PRKDC: variants seen among roughly 807,000 people sequenced by gnomAD.
The protein encoded by PRKDC is protein kinase, DNA-activated, catalytic subunit, also known as DNA-dependent protein kinase catalytic subunit.
PRKDC carries 82 observed loss-of-function variants against 486.9 expected under a neutral mutation model. That is an observed-to-expected ratio of 0.17 (90% CI 0.14 to 0.20). PRKDC has a LOEUF of 0.20. Among genes scored for constraint, PRKDC ranks in the 10% least tolerant of loss-of-function variants. PRKDC has a pLI of 1.00. For missense variants in PRKDC, 4,504 were observed against 5,038.2 expected (o/e 0.89, Z 3.21); for synonymous variants, 1,895 against 1,837.0 (o/e 1.03, Z -0.81).
At chr8:47,893,036 C>T in intron 31 of PRKDC, 103 bp downstream of exon 31, 1 of 1,364,062 alleles carries the variant, frequency 7.3e-7, no homozygotes, top group South Asian at 1.9e-5. Context: ...AGGTGGTGCA[C>T]AGCACCTACC....
intron 80 of PRKDC, among the ~76,000 whole-genome samples, chr8:47,779,831 G>A (rs1051889826): frequency 7.9e-5 from 12 of 151,470 alleles, no homozygotes; most frequent in East Asian, 1.9e-4. Context: ...CTCGTGATCC[G>A]CCCGCCTCGG....
intron 36 of PRKDC, 68 bp downstream of exon 36, chr8:47,885,876 T>C (rs2089316248): frequency 2.7e-6 from 4 of 1,491,632 alleles, no homozygotes; most frequent in Non-Finnish European, 3.7e-6. Context: ...TGGGCGAAAG[T>C]GCAAGACTCT....
intron 26 of PRKDC, among the ~76,000 whole-genome samples, chr8:47,903,607 C>T (rs1406639226): frequency 6.6e-6 from 1 of 152,148 alleles, no homozygotes; most frequent in Non-Finnish European, 1.5e-5. Flanking sequence ...GCAGCTCTCA[C>T]CAGGAAACCC....
chr8:47,784,889 G>C (rs1373758671), intron 77 of PRKDC, among the ~76,000 whole-genome samples: 3 of 152,014 alleles, frequency 2.0e-5, no homozygotes, highest in Admixed American at 1.3e-4. Context: ...ACTTTTGTCA[G>C]AATCAGAAAT....
At chr8:47,957,849 A>ATAAAACACTAACCCAAGGTTGCTGTAT (rs2090733791) in intron 1 of PRKDC, among the ~76,000 whole-genome samples, 3 of 152,222 alleles carry the variant, frequency 2.0e-5, no homozygotes, top group Non-Finnish European at 2.9e-5. Context: ...CCTTATAAAT[A>ATAAAACACTAACCCAAGGTTGCTGTAT]TAAAACACTA....
chr8:47,939,789 T>G, intron 10 of PRKDC, 92 bp from the exon 11 acceptor site: 2 of 1,098,460 alleles, frequency 1.8e-6, no homozygotes, highest in Non-Finnish European at 2.5e-6. Flanking sequence ...TAGATGCTAC[T>G]AATGTACTGT....
rs1193425539 is a variant in PRKDC, at chr8:47,834,685, AC to A, written c.7952-290del. ...TACTGAAAGGTGCTAAGAACCCCTG[AC>A]TTTTTTTTTTTTTTTTTTTTTTGAG... On this transcript the variant is annotated intron_variant, in intron 58 of 85. Coordinates refer to ENST00000314191, the MANE Select transcript of PRKDC (RefSeq NM_006904.7). 3.9e-3 allele frequency among the ~76,000 whole-genome samples: 525 copies of A among 133,744 alleles called. 2 individuals carry two copies. The highest frequency in any genetic ancestry group is 5.9e-3 in the Non-Finnish European group (383 of 64,652). 87.7% of individuals were successfully genotyped at this position (133,744 alleles called of 152,430 possible). A position where few individuals can be genotyped will look rare whatever the true frequency, so the allele number is the denominator to read the frequency against.
chr8:47,843,363 T>A (rs1427768196), intron 54 of PRKDC, among the ~76,000 whole-genome samples: 2 of 152,084 alleles, frequency 1.3e-5, no homozygotes, highest in Non-Finnish European at 2.9e-5. Context: ...AAAGAATTTT[T>A]AAATAAAATC....
At chr8:47,851,523 G>A (rs763322177) in intron 52 of PRKDC, among the ~76,000 whole-genome samples, 1 of 152,162 alleles carries the variant, frequency 6.6e-6, no homozygotes, top group Non-Finnish European at 1.5e-5. Context: ...TGGGCCCACT[G>A]GTGCCTGCTC....
At chr8:47,918,054 C>T (rs1389356026) in intron 22 of PRKDC, among the ~76,000 whole-genome samples, 1 of 152,088 alleles carries the variant, frequency 6.6e-6, no homozygotes, top group African/African-American at 2.4e-5. Context: ...CCTATGTTGC[C>T]CAGGCTGAGC....
At chr8:47,778,823 C>G (rs1269255736) in intron 81 of PRKDC, 24 bp from the exon 82 acceptor site, 1 of 1,591,946 alleles carries the variant, frequency 6.3e-7, no homozygotes, top group East Asian at 2.3e-5. Context: ...ATAGAAACAT[C>G]TAATTAGAAA....
At chr8:47,875,359 C>G (rs2089069727) in intron 40 of PRKDC, among the ~76,000 whole-genome samples, 1 of 152,126 alleles carries the variant, frequency 6.6e-6, no homozygotes, top group African/African-American at 2.4e-5. Context: ...TTTGGCTAGC[C>G]TAGCTAATGG....
In PRKDC at chr8:47,840,093, C is replaced by T. The variant is rs866961642; in HGVS notation, c.7377G>A (p.Val2459=). 1.5e-5 allele frequency: 24 copies of T among 1,579,322 alleles called. No homozygotes were observed. The highest frequency in any genetic ancestry group is 2.0e-5 in the Non-Finnish European group (23 of 1,160,528). ...VELRELLNPV[V]EFVSHPSTTC... is the part of the protein sequence containing the mutation. ...TTGTAGAAGGATGGGAAACGAATTC[C>T]ACAACGGGGTTCAGAAGTTCTCGGA... is the stretch of plus-strand genomic sequence containing the variant. The change falls in exon 55 of 86, where the codon GTG becomes GTA. Residue 2459 remains valine, a synonymous_variant. Transcript: ENST00000314191.
Position 47,788,975 on chromosome 8 carries a change from T to C in PRKDC, c.10833A>G (p.Glu3611=). 6.2e-7 allele frequency: 1 copy of C among 1,613,594 alleles called. No homozygotes were observed. The highest frequency in any genetic ancestry group is 8.5e-7 in the Non-Finnish European group (1 of 1,179,716). The change falls in exon 76 of 86, where the codon GAA becomes GAG. Residue 3611 remains glutamate, a synonymous_variant. Transcript: ENST00000314191. ...GGTCACCCAAGGCTGCATACATTCT[T>C]TCATACATTTTTTCAATGTTTTTTT... is the stretch of plus-strand genomic sequence containing the variant. The part of the protein sequence containing the change: ...VNKKNIEKMY[E]RMYAALGDPK...
intron 54 of PRKDC, among the ~76,000 whole-genome samples, chr8:47,847,874 A>AT (rs2088306237): frequency 6.8e-6 from 1 of 146,200 alleles, no homozygotes; most frequent in Non-Finnish European, 1.5e-5. Flanking sequence ...GCGGCCAACA[A>AT]ATATATATAT....
chr8:47,891,153 CA>C (rs1420783144), intron 31 of PRKDC, among the ~76,000 whole-genome samples: 1 of 152,178 alleles, frequency 6.6e-6, no homozygotes, highest in Admixed American at 6.5e-5. Context: ...AAGACAGACC[CA>C]CCCTCACCTC....
At chr8:47,807,460 C>G (rs1419920706) in intron 68 of PRKDC, 134 bp from the exon 69 acceptor site, 1 of 752,234 alleles carries the variant, frequency 1.3e-6, no homozygotes, top group Admixed American at 3.4e-5. Flanking sequence ...ACTCTGTTGC[C>G]CAGGCTGGAG....
In PRKDC at chr8:47,934,041, G is replaced by A; in HGVS notation, c.1547C>T (p.Thr516Ile). The change falls in exon 15 of 86, where the codon ACT (threonine) becomes ATT (isoleucine). Residue 516 changes from threonine (T) to isoleucine (I), a missense_variant. Coordinates refer to ENST00000314191, the MANE Select transcript of PRKDC (RefSeq NM_006904.7). ...GTATGTGGGCACCTTCCATTTGCCAGTTCTGACTTCCCCTGAAGCACGGTG... is the reference window on the plus strand; with the variant it reads ...GTATGTGGGCACCTTCCATTTGCCAATTCTGACTTCCCCTGAAGCACGGTG... The part of the protein sequence containing the change: ...EDHRASGEVR[T>I]GKWKVPTYKD... The A allele has an allele frequency of 1.2e-6, 2 of 1,613,820 alleles. No individual in the cohort carries two copies. Among genetic ancestry groups the A allele is most frequent in the Non-Finnish European group, 1.7e-6 (2 of 1,179,796 alleles).
Position 47,864,569 on chromosome 8 carries a change from G to A in PRKDC, c.5558C>T (p.Ser1853Phe). 1 of 1,608,084 alleles carries A rather than the reference G, an allele frequency of 6.2e-7. No individual in the cohort carries two copies. Among genetic ancestry groups the A allele is most frequent in the Non-Finnish European group, 8.5e-7 (1 of 1,177,810 alleles). The change falls in exon 41 of 86, where the codon TCC becomes TTC. Residue 1853 changes from serine (S) to phenylalanine (F), a missense_variant. Ser to Phe is a radical substitution (Grantham distance 155). Transcript: ENST00000314191. ...GGCGTATGATACCTTTGTAAACCTG[G>A]ACTTCAACACATCAATGGCATCCAC... ...IVVDAIDVLKSRFTKLNESTF... is the reference protein window; with the variant it reads ...IVVDAIDVLKFRFTKLNESTF...
Sources: allele counts gnomAD v4.1 joint callset (sites outside exome capture counted in the v4.1 genomes callset), GRCh38; gene constraint gnomAD v4.1.1; transcripts MANE v1.5; gene names NCBI Gene and HGNC (gene_info 2026-07-23, HGNC 2026-07-21).